RBFOX1: variants seen among roughly 807,000 people sequenced by gnomAD.
The protein encoded by RBFOX1 is RNA binding protein fox-1 homolog 1.
RBFOX1 carries 8 observed loss-of-function variants against 57.7 expected under a neutral mutation model. The observed-to-expected ratio is 0.14, with a 90% CI of 0.08 to 0.25. RBFOX1 has a LOEUF of 0.25. RBFOX1 is among the 10% of genes least tolerant of loss of function. The pLI is 1.00. For missense variants in RBFOX1, 611 were observed against 548.5 expected, an observed-to-expected ratio of 1.11 and a Z score of -1.14; for synonymous variants, 326 against 222.4, an observed-to-expected ratio of 1.47 and a Z score of -4.15.
At chr16:7,060,242 G>A (rs2053832280) in intron 4 of RBFOX1, among the ~76,000 whole-genome samples, 1 of 152,132 alleles carries the variant, frequency 6.6e-6, no homozygotes, top group African/African-American at 2.4e-5. Context: ...AATGATTGAG[G>A]CTATGTCTCA....
rs547337965 is a variant in RBFOX1, at chr16:6,578,213, A to G, written c.-63-76390A>G. ...TCATTACCTCATATCTTACGTAGTGATAAGGGAATGTGAGAAAACTTTTGC... is the reference window on the plus strand; with the variant it reads ...TCATTACCTCATATCTTACGTAGTGGTAAGGGAATGTGAGAAAACTTTTGC... On this transcript the variant is annotated intron_variant, in intron 2 of 15. Transcript: ENST00000550418. Among the ~76,000 whole-genome samples, 16 of 152,354 alleles carry G rather than the reference A, an allele frequency of 1.1e-4. No individual in the cohort carries two copies. In the East Asian group the frequency reaches 3.1e-3, roughly 29 times the overall value.
At chr16:7,246,838 A>G (rs1026626384) in intron 4 of RBFOX1, among the ~76,000 whole-genome samples, 1 of 152,092 alleles carries the variant, frequency 6.6e-6, no homozygotes, top group Non-Finnish European at 1.5e-5. Flanking sequence ...GAGCTACAGC[A>G]TAAAGGCTTC....
At chr16:5,474,192 C>A (rs2069237895) in intron 2 of RBFOX1, among the ~76,000 whole-genome samples, 1 of 152,196 alleles carries the variant, frequency 6.6e-6, no homozygotes, top group African/African-American at 2.4e-5. Flanking sequence ...TATTCAACTA[C>A]AGCATTAGCC....
chr16:7,188,663 G>A (rs2084535041), intron 4 of RBFOX1, among the ~76,000 whole-genome samples: 1 of 152,124 alleles, frequency 6.6e-6, no homozygotes, highest in Non-Finnish European at 1.5e-5. Flanking sequence ...ATTATCCTGA[G>A]TTGAACATGT....
chr16:5,963,584 A>G (rs1192535446), intron 4 of RBFOX1, among the ~76,000 whole-genome samples: 1 of 152,238 alleles, frequency 6.6e-6, no homozygotes, highest in African/African-American at 2.4e-5. Context: ...AGCTTAATAG[A>G]GAGCTCAGAA....
At chr16:5,449,547 A>G (rs4296264) in intron 1 of RBFOX1, among the ~76,000 whole-genome samples, 56,621 of 152,048 alleles carry the variant, frequency 0.37, 11,553 homozygotes, top group East Asian at 0.48. Flanking sequence ...ACCCACATCT[A>G]TCTGGCCCCA....
intron 4 of RBFOX1, among the ~76,000 whole-genome samples, chr16:5,886,562 T>C (rs989482814): frequency 6.6e-6 from 1 of 152,212 alleles, no homozygotes; most frequent in African/African-American, 2.4e-5. Flanking sequence ...AGAATACCAT[T>C]GGCCCTGAGC....
At chr16:7,265,010 A>C (rs2095071957) in intron 4 of RBFOX1, among the ~76,000 whole-genome samples, 2 of 152,244 alleles carry the variant, frequency 1.3e-5, no homozygotes, top group African/African-American at 4.8e-5. Flanking sequence ...TTCAAACCAT[A>C]GGCTCTGGAC....
intron 11 of RBFOX1, among the ~76,000 whole-genome samples, chr16:7,636,046 G>T (rs1014576045): frequency 6.6e-6 from 1 of 152,166 alleles, no homozygotes; most frequent in Non-Finnish European, 1.5e-5. Flanking sequence ...TCCTGACCTC[G>T]TGATCCACCC....
intron 4 of RBFOX1, among the ~76,000 whole-genome samples, chr16:5,977,229 A>G (rs1596330549): frequency 6.6e-6 from 1 of 152,098 alleles, no homozygotes; most frequent in Non-Finnish European, 1.5e-5. Context: ...CTTTGGAAAA[A>G]TGGTTGATGA....
At chr16:7,499,904 A>G (rs1171715724) in intron 4 of RBFOX1, among the ~76,000 whole-genome samples, 1 of 152,182 alleles carries the variant, frequency 6.6e-6, no homozygotes, top group Non-Finnish European at 1.5e-5. Context: ...AGAAAAAAAA[A>G]AAACATTGTT....
chr16:6,698,007 T>A (rs1299222250), intron 3 of RBFOX1, among the ~76,000 whole-genome samples: 1 of 152,224 alleles, frequency 6.6e-6, no homozygotes, highest in African/African-American at 2.4e-5. Flanking sequence ...ATCAAACTTA[T>A]TATCCTCCTC....
chr16:7,561,243 A>G (rs2090275630), intron 5 of RBFOX1, among the ~76,000 whole-genome samples: 1 of 152,192 alleles, frequency 6.6e-6, no homozygotes, highest in African/African-American at 2.4e-5. Flanking sequence ...AGCCACATTC[A>G]TGGTTCATTT....
chr16:6,535,629 C>G (rs1356343862), intron 2 of RBFOX1, among the ~76,000 whole-genome samples: 3 of 152,110 alleles, frequency 2.0e-5, no homozygotes, highest in African/African-American at 7.2e-5. Context: ...ATGAATGATC[C>G]CATCCATCAA....
At chr16:6,972,208 T>C (rs1034540917) in intron 3 of RBFOX1, among the ~76,000 whole-genome samples, 2 of 152,180 alleles carry the variant, frequency 1.3e-5, no homozygotes, top group African/African-American at 4.8e-5. Flanking sequence ...TTTTTCATCC[T>C]CTAAATCTGA....
intron 3 of RBFOX1, among the ~76,000 whole-genome samples, chr16:5,772,349 C>T (rs1403005859): frequency 6.8e-6 from 1 of 147,842 alleles, no homozygotes; most frequent in East Asian, 2.0e-4. Flanking sequence ...TTCCCATGTG[C>T]TTTTCACACA....
intron 2 of RBFOX1, among the ~76,000 whole-genome samples, chr16:6,434,470 G>A (rs2094181558): frequency 6.6e-6 from 1 of 152,066 alleles, no homozygotes; most frequent in South Asian, 2.1e-4. Flanking sequence ...CCTTAGTCTT[G>A]AGCTGAAAGC....
chr16:7,027,644 C>G (rs1011329594), intron 3 of RBFOX1, among the ~76,000 whole-genome samples: 4 of 152,170 alleles, frequency 2.6e-5, no homozygotes. Flanking sequence ...GCCCAACTTT[C>G]ATTATTCAGC....
intron 4 of RBFOX1, among the ~76,000 whole-genome samples, chr16:7,196,859 A>G (rs1043010685): frequency 6.6e-6 from 1 of 152,188 alleles, no homozygotes; most frequent in Non-Finnish European, 1.5e-5. Context: ...CAAAGGGAAA[A>G]GGAAATGGAA....
Sources: gnomAD v4.1 joint callset for allele counts (sites outside exome capture counted in the v4.1 genomes callset) on GRCh38, gnomAD v4.1.1 for gene constraint, MANE v1.5 for transcripts, NCBI Gene and HGNC (gene_info 2026-07-23, HGNC 2026-07-21) for gene names.